The following LMCD1 variants were observed in gnomAD, a reference collection of about 807,000 sequenced individuals.
LMCD1 encodes LIM and cysteine rich domains 1, also known as LIM and cysteine-rich domains protein 1.
A neutral mutation model predicts 42.7 loss-of-function variants in LMCD1; 32 were observed. The ratio of observed to expected loss-of-function variants is 0.75; its 90% CI spans 0.57 to 1.01. The LOEUF is 1.01. Among genes scored for constraint, LMCD1 ranks in the 50% least tolerant of loss-of-function variants. The probability of loss-of-function intolerance (pLI) is 0.00; values close to 1 mark genes in which losing one functional copy is unlikely to be tolerated. For missense variants in LMCD1, 458 were observed against 483.1 expected (o/e 0.95, Z 0.49); for synonymous variants, 178 against 184.9 (o/e 0.96, Z 0.30).
intron 3 of LMCD1, 49 bp from the exon 4 acceptor site, chr3:8,548,516 CTGA>C: frequency 7.7e-7 from 1 of 1,297,456 alleles, no homozygotes; most frequent in Non-Finnish European, 1.1e-6. Flanking sequence ...GTTTCTTTGA[CTGA>C]TGAAGCCCCA....
chr3:8,515,195 G>A (rs944504885), intron 1 of LMCD1, among the ~76,000 whole-genome samples: 3 of 152,176 alleles, frequency 2.0e-5, no homozygotes, highest in Non-Finnish European at 2.9e-5. Flanking sequence ...TTCAAATCTT[G>A]CCATTGAATT....
At chr3:8,515,502 T>A (rs965939805) in intron 1 of LMCD1, among the ~76,000 whole-genome samples, 2 of 152,168 alleles carry the variant, frequency 1.3e-5, no homozygotes, top group Non-Finnish European at 2.9e-5. Flanking sequence ...ACAGTGGCTG[T>A]CTTGCCTGCT....
intron 1 of LMCD1, 113 bp from the exon 2 acceptor site, chr3:8,532,624 C>G: frequency 2.5e-6 from 2 of 807,580 alleles, no homozygotes; most frequent in East Asian, 5.0e-5. Flanking sequence ...TGATCTCAAG[C>G]CCTTTGAACC....
intron 1 of LMCD1, among the ~76,000 whole-genome samples, chr3:8,516,297 C>G (rs983006085): frequency 6.6e-6 from 1 of 152,080 alleles, no homozygotes; most frequent in Non-Finnish European, 1.5e-5. Context: ...AGACAAGAGC[C>G]GGAGGGACAA....
chr3:8,543,084 T>C (rs879594841), intron 3 of LMCD1, among the ~76,000 whole-genome samples: 2 of 152,134 alleles, frequency 1.3e-5, no homozygotes, highest in Non-Finnish European at 2.9e-5. Context: ...TCTGGCAGAG[T>C]GAGCCAAGCT....
chr3:8,535,936 C>T (rs1335807135), intron 2 of LMCD1, among the ~76,000 whole-genome samples: 1 of 152,188 alleles, frequency 6.6e-6, no homozygotes, highest in Non-Finnish European at 1.5e-5. Flanking sequence ...AATAGCACTC[C>T]TCTACCCCAC....
chr3:8,517,424 CT>C (rs1206632367), intron 1 of LMCD1, among the ~76,000 whole-genome samples: 1 of 152,122 alleles, frequency 6.6e-6, no homozygotes, highest in Non-Finnish European at 1.5e-5. Context: ...ATCTGAAATA[CT>C]TCTGGTCCTA....
At chr3:8,562,743 G>A (rs895200440) in intron 4 of LMCD1, among the ~76,000 whole-genome samples, 1 of 152,120 alleles carries the variant, frequency 6.6e-6, no homozygotes, top group Admixed American at 6.5e-5. Flanking sequence ...CACACTCCAT[G>A]ATTATCTCAT....
rs1482831790 is a variant in LMCD1 at position 8,572,873 on chromosome 3, A to T, written c.*5275A>T. On this transcript the variant is annotated 3_prime_UTR_variant, in exon 6 of 6. Coordinates refer to ENST00000157600, the MANE Select transcript of LMCD1 (RefSeq NM_014583.4). ...CCATCTTTGAAATCAGCCATTCTCA[A>T]GGGGTTCCTTCTTAATCTGGCTGTT... The T allele has an allele frequency of 6.6e-6, 1 of 152,148 alleles. No individual in the cohort carries two copies. Among genetic ancestry groups the T allele is most frequent in the Non-Finnish European group, 1.5e-5 (1 of 68,030 alleles). 9.4% of individuals were successfully genotyped at this position (152,148 alleles called of 1,614,324 possible).
At chr3:8,559,704 A>G (rs1038602443) in intron 4 of LMCD1, among the ~76,000 whole-genome samples, 1 of 152,230 alleles carries the variant, frequency 6.6e-6, no homozygotes, top group African/African-American at 2.4e-5. Context: ...CTCGTGGCTG[A>G]GGGACCACCA....
intron 4 of LMCD1, among the ~76,000 whole-genome samples, chr3:8,560,217 T>C (rs773606549): frequency 2.1e-4 from 29 of 139,550 alleles, no homozygotes; most frequent in Admixed American, 4.8e-4. Context: ...CTGCGTAACA[T>C]AGTGGGACCC....
intron 3 of LMCD1, among the ~76,000 whole-genome samples, chr3:8,539,795 TTTATTA>T (rs71049735): frequency 0.022 from 3,033 of 139,794 alleles, 69 homozygotes; most frequent in Middle Eastern, 0.051. Context: ...TCCCAACATT[TTTATTA>T]TTATTATTAT....
chr3:8,531,738 G>C (rs1694416125), intron 1 of LMCD1, among the ~76,000 whole-genome samples: 1 of 152,194 alleles, frequency 6.6e-6, no homozygotes, highest in African/African-American at 2.4e-5. Flanking sequence ...GGGCACACCT[G>C]AGTCTTATGT....
In LMCD1 at chr3:8,502,033, C is replaced by T. The variant is rs1423942170; in HGVS notation, c.42+53C>T. ...CAGATTCTTACTTTTTCTTGTTCCCCTTCCCATCTGTTCGCGGAAACTTCC... is the reference window on the plus strand; with the variant it reads ...CAGATTCTTACTTTTTCTTGTTCCCTTTCCCATCTGTTCGCGGAAACTTCC... On this transcript the variant is annotated intron_variant, in intron 1 of 5. Transcript: ENST00000157600. 2.8e-5 allele frequency: 42 copies of T among 1,522,466 alleles called. No individual in the cohort carries two copies. In the East Asian group the frequency reaches 1.0e-3, roughly 37 times the overall value. 94.3% of individuals were successfully genotyped at this position (1,522,466 alleles called of 1,614,324 possible). A position where few individuals can be genotyped will look rare whatever the true frequency, so the allele number is the denominator to read the frequency against.
intron 1 of LMCD1, among the ~76,000 whole-genome samples, chr3:8,521,865 G>C (rs1385723816): frequency 6.6e-6 from 1 of 152,134 alleles, no homozygotes; most frequent in African/African-American, 2.4e-5. Flanking sequence ...TAATCAGAAG[G>C]AGAGTTGTTT....
At chr3:8,511,262 A>T (rs1693994440) in intron 1 of LMCD1, among the ~76,000 whole-genome samples, 1 of 152,244 alleles carries the variant, frequency 6.6e-6, no homozygotes, top group Admixed American at 6.5e-5. Context: ...GAGAATAAAC[A>T]CATTACTTTG....
At chr3:8,514,409 G>A in intron 1 of LMCD1, among the ~76,000 whole-genome samples, 1 of 152,182 alleles carries the variant, frequency 6.6e-6, no homozygotes, top group East Asian at 1.9e-4. Context: ...GACATTGCCA[G>A]GGAGAATATA....
chr3:8,565,548 G>A lies in LMCD1; in HGVS notation c.840G>A (p.Glu280=), dbSNP rs150088473. The change falls in exon 5 of 6, where the codon GAG becomes GAA. Residue 280 remains glutamate, a synonymous_variant. Coordinates refer to ENST00000157600, the MANE Select transcript of LMCD1 (RefSeq NM_014583.4). ...PTCFVCAKCS[E]PLVDLIYFWK... Reference sequence around the variant, plus strand: ...GCTTTGTGTGTGCCAAGTGCTCCGAGCCGCTGGTGGACCTCATCTACTTCT... The same window carrying A: ...GCTTTGTGTGTGCCAAGTGCTCCGAACCGCTGGTGGACCTCATCTACTTCT... 221 of 1,614,050 alleles carry A rather than the reference G, an allele frequency of 1.4e-4. No individual in the cohort carries two copies. Among genetic ancestry groups the A allele is most frequent in the Non-Finnish European group, 1.7e-4 (201 of 1,180,026 alleles).
chr3:8,565,977 TATC>T (rs911869553), intron 5 of LMCD1, among the ~76,000 whole-genome samples: 1 of 152,208 alleles, frequency 6.6e-6, no homozygotes, highest in African/African-American at 2.4e-5. Context: ...TTATTATTAT[TATC>T]ATGTGGTTAC....
Sources: gnomAD v4.1 joint callset for allele counts (sites outside exome capture counted in the v4.1 genomes callset) on GRCh38, gnomAD v4.1.1 for gene constraint, MANE v1.5 for transcripts, NCBI Gene and HGNC (gene_info 2026-07-23, HGNC 2026-07-21) for gene names.